Variants in LRP1B observed in about 807,000 individuals in gnomAD.
The protein encoded by LRP1B is low-density lipoprotein receptor-related protein 1B.
LRP1B carries 217 observed loss-of-function variants against 556.6 expected under a neutral mutation model. The observed-to-expected ratio is 0.39, with a 90% CI of 0.35 to 0.44. The LOEUF is 0.44. Ranked by LOEUF, LRP1B falls within the 20% of genes least tolerant of loss-of-function variation. The pLI is 1.00. For synonymous variants in LRP1B, 2,047 were observed against 1,865.8 expected (o/e 1.10, Z -2.50); for missense variants, 5,053 against 5,620.8 (o/e 0.90, Z 3.23).
chr2:140,236,946 T>A (rs1198146627), intron 89 of LRP1B, among the ~76,000 whole-genome samples: 1 of 151,080 alleles, frequency 6.6e-6, no homozygotes, highest in Non-Finnish European at 1.5e-5. Context: ...TATGTTTTTA[T>A]ACATGTATAC....
chr2:141,547,430 G>A (rs1685594296), intron 2 of LRP1B, among the ~76,000 whole-genome samples: 1 of 117,234 alleles, frequency 8.5e-6, no homozygotes, highest in South Asian at 3.2e-4. Context: ...ACAATTATCT[G>A]GACATGTTTT....
At chr2:141,942,610 A>G (rs755990337) in intron 1 of LRP1B, among the ~76,000 whole-genome samples, 1 of 152,220 alleles carries the variant, frequency 6.6e-6, no homozygotes, top group Non-Finnish European at 1.5e-5. Context: ...CTGCAATTCC[A>G]TCAATTCCAA....
intron 3 of LRP1B, among the ~76,000 whole-genome samples, chr2:141,327,944 A>G (rs1487601133): frequency 6.6e-6 from 1 of 152,292 alleles, no homozygotes; most frequent in Non-Finnish European, 1.5e-5. Context: ...ACATCTATAT[A>G]ATGTGATAAT....
At chr2:141,549,069 A>C (rs564143674) in intron 2 of LRP1B, among the ~76,000 whole-genome samples, 2 of 152,310 alleles carry the variant, frequency 1.3e-5, no homozygotes, top group African/African-American at 4.8e-5. Context: ...CACACATTCA[A>C]TGGAAAATTA....
intron 67 of LRP1B, among the ~76,000 whole-genome samples, chr2:140,385,277 C>T (rs909146683): frequency 2.0e-4 from 30 of 152,136 alleles, no homozygotes; most frequent in African/African-American, 5.8e-4. Flanking sequence ...GAAATAAATG[C>T]TACAATCAGG....
chr2:141,279,056 G>A (rs564722257), intron 3 of LRP1B, among the ~76,000 whole-genome samples: 1 of 152,128 alleles, frequency 6.6e-6, no homozygotes, highest in African/African-American at 2.4e-5. Flanking sequence ...ATTAATTTAT[G>A]TGAAGAATAA....
intron 2 of LRP1B, among the ~76,000 whole-genome samples, chr2:141,765,565 A>C (rs901510496): frequency 1.3e-5 from 2 of 152,236 alleles, no homozygotes; most frequent in African/African-American, 4.8e-5. Context: ...ATATCTGGAA[A>C]AAAAATTAGC....
At chr2:141,902,910 C>T (rs952931307) in intron 1 of LRP1B, among the ~76,000 whole-genome samples, 3 of 151,862 alleles carry the variant, frequency 2.0e-5, no homozygotes, top group Admixed American at 1.3e-4. Flanking sequence ...ATTGACATTG[C>T]TTATAATTGC....
At chr2:141,225,875 C>T (rs1439012696) in intron 6 of LRP1B, among the ~76,000 whole-genome samples, 1 of 152,094 alleles carries the variant, frequency 6.6e-6, no homozygotes, top group Non-Finnish European at 1.5e-5. Context: ...CTATAAACTT[C>T]TACAACCCAC....
intron 29 of LRP1B, among the ~76,000 whole-genome samples, chr2:140,842,838 CT>C (rs958864359): frequency 6.6e-6 from 1 of 151,902 alleles, no homozygotes; most frequent in Admixed American, 6.6e-5. Context: ...GTCTTTTAGT[CT>C]TTTTTCTTAC....
intron 67 of LRP1B, among the ~76,000 whole-genome samples, chr2:140,380,185 C>T (rs1005752650): frequency 7.2e-5 from 11 of 152,090 alleles, no homozygotes; most frequent in African/African-American, 2.2e-4. Context: ...TAACGTACTT[C>T]AAATCACAGA....
chr2:141,232,500 AG>A (rs983443045), intron 5 of LRP1B, among the ~76,000 whole-genome samples: 2 of 152,194 alleles, frequency 1.3e-5, no homozygotes, highest in Non-Finnish European at 2.9e-5. Context: ...TTCTTTGAAG[AG>A]AGGCCGGAAT....
At chr2:141,795,656 G>C (rs992147039) in intron 2 of LRP1B, among the ~76,000 whole-genome samples, 1 of 151,752 alleles carries the variant, frequency 6.6e-6, no homozygotes, top group South Asian at 2.1e-4. Context: ...AAGCCAAGGG[G>C]ATGTCAATTC....
chr2:140,920,094 C>A (rs187837222), intron 21 of LRP1B, among the ~76,000 whole-genome samples: 2 of 152,078 alleles, frequency 1.3e-5, no homozygotes, highest in South Asian at 2.1e-4. Flanking sequence ...CGGTACCTTG[C>A]GATCACTATG....
At chr2:141,850,075 G>A (rs1266575998) in intron 1 of LRP1B, among the ~76,000 whole-genome samples, 1 of 151,454 alleles carries the variant, frequency 6.6e-6, no homozygotes, top group Non-Finnish European at 1.5e-5. Flanking sequence ...TTACCACCTG[G>A]GTTTACCTGA....
chr2:141,408,599 GT>G (rs1690729701), intron 3 of LRP1B, among the ~76,000 whole-genome samples: 1 of 151,482 alleles, frequency 6.6e-6, no homozygotes, highest in Admixed American at 6.6e-5. Flanking sequence ...AAAACAGAGT[GT>G]AAAAAAAAAT....
chr2:140,344,156 G>C lies in LRP1B; in HGVS notation c.11892+6641C>G, dbSNP rs564252602. On this transcript the variant is annotated intron_variant, in intron 77 of 90. Transcript: ENST00000389484. Reference sequence around the variant, plus strand: ...TAAATTTATACAAAAATATTTGCATGGTACAGAACAAATTGATTGTCTATT... The same window carrying C: ...TAAATTTATACAAAAATATTTGCATCGTACAGAACAAATTGATTGTCTATT... Among the ~76,000 whole-genome samples, 137 of 151,870 alleles carry C rather than the reference G, an allele frequency of 9.0e-4. 1 individual carries two copies. Among genetic ancestry groups the C allele is most frequent in the African/African-American group, 3.2e-3 (133 of 41,496 alleles).
intron 6 of LRP1B, among the ~76,000 whole-genome samples, chr2:141,196,359 G>A (rs1469027948): frequency 2.0e-5 from 3 of 151,822 alleles, no homozygotes; most frequent in East Asian, 1.9e-4. Flanking sequence ...ATAACTTAAC[G>A]ACTTTCTGCT....
intron 1 of LRP1B, among the ~76,000 whole-genome samples, chr2:142,030,356 G>C (rs908142841): frequency 4.0e-5 from 6 of 151,872 alleles, no homozygotes; most frequent in African/African-American, 1.5e-4. Context: ...CATATTGATG[G>C]TTGTAATTTA....
Sources: gnomAD v4.1 joint callset for allele counts (sites outside exome capture counted in the v4.1 genomes callset) on GRCh38, gnomAD v4.1.1 for gene constraint, MANE v1.5 for transcripts, NCBI Gene and HGNC (gene_info 2026-07-23, HGNC 2026-07-21) for gene names.